Variants in CACNA1A observed in about 807,000 individuals in gnomAD.
CACNA1A encodes the protein voltage-dependent P/Q-type calcium channel subunit alpha-1A.
Under a neutral mutation model 262.4 loss-of-function variants are expected in CACNA1A, and 57 were observed. The observed-to-expected ratio is 0.22, with a 90% CI of 0.18 to 0.27. The LOEUF (loss-of-function observed/expected upper bound fraction) is 0.27. Ranked by LOEUF, CACNA1A falls within the 10% of genes least tolerant of loss-of-function variation. The pLI is 1.00. For missense variants in CACNA1A, 2,526 were observed against 3,562.8 expected, an observed-to-expected ratio of 0.71 and a Z score of 7.41; for synonymous variants, 1,431 against 1,419.3, an observed-to-expected ratio of 1.01 and a Z score of -0.18.
Position 13,290,095 on chromosome 19 carries a change from AT to A in CACNA1A, c.3090-3130del, listed in dbSNP as rs34860973. 6.9e-3 allele frequency among the ~76,000 whole-genome samples: 970 copies of A among 140,212 alleles called. 4 individuals are homozygous for A. The highest frequency in any genetic ancestry group is 7.5e-3 in the Middle Eastern group (2 of 266). The allele number at this position is 140,212 out of a possible 152,430, so 92.0% of individuals were successfully genotyped here. A position where few individuals can be genotyped will look rare whatever the true frequency, so the allele number is the denominator to read the frequency against. The stretch of plus-strand genomic sequence containing the variant: ...AGGCCTGTGCCACCACACCCGGCTA[AT>A]TTTTTTTTTTTTTTCTGTAGTTTTA... On this transcript the variant is annotated intron_variant, in intron 19 of 46. Coordinates refer to ENST00000360228, the MANE Select transcript of CACNA1A (RefSeq NM_001127222.2).
chr19:13,280,940 CAAA>C (rs59445149), intron 22 of CACNA1A, among the ~76,000 whole-genome samples: 1 of 82,372 alleles, frequency 1.2e-5, no homozygotes, highest in Admixed American at 1.4e-4. Flanking sequence ...GACTCCATCT[CAAA>C]AAAAAAAAAA....
rs931742312 is a variant in CACNA1A, at chr19:13,506,406, G to C, written c.-182C>G. On this transcript the variant is annotated 5_prime_UTR_variant, in exon 1 of 47. Transcript: ENST00000360228. ...CGGCGGCGGCTCGGCGCCTCGGGTC[G>C]GGGGCTCAGAAGGCGGCTGCCCGGG... 2.3e-6 allele frequency: 1 copy of C among 434,690 alleles called. No individual in the cohort carries two copies. Among genetic ancestry groups the C allele is most frequent in the Non-Finnish European group, 3.8e-6 (1 of 260,968 alleles). 26.9% of individuals were successfully genotyped at this position (434,690 alleles called of 1,614,324 possible).
intron 6 of CACNA1A, among the ~76,000 whole-genome samples, chr19:13,347,278 G>A (rs916740239): frequency 1.3e-5 from 2 of 151,486 alleles, no homozygotes; most frequent in Non-Finnish European, 2.9e-5. Flanking sequence ...GCCTAGGCTG[G>A]TCTTAAACTC....
At chr19:13,445,328 G>A (rs1050733478) in intron 3 of CACNA1A, among the ~76,000 whole-genome samples, 2 of 152,128 alleles carry the variant, frequency 1.3e-5, no homozygotes, top group African/African-American at 4.8e-5. Flanking sequence ...TGTCAGAGCT[G>A]GCAAAGACCC....
intron 4 of CACNA1A, among the ~76,000 whole-genome samples, chr19:13,368,657 T>C (rs539979058): frequency 5.1e-4 from 77 of 152,256 alleles, no homozygotes; most frequent in South Asian, 1.7e-3. Context: ...GAACTTCCCA[T>C]GGCTCTTGAT....
rs775769249 is a variant in CACNA1A at position 13,259,328 on chromosome 19, TTTTTTTTTTTTTTTG to T, written c.4388+221_4388+235del. 2,590 of 133,754 alleles carry T rather than the reference TTTTTTTTTTTTTTTG, an allele frequency of 0.019. 230 individuals are homozygous for T. Among genetic ancestry groups the T allele is most frequent in the Non-Finnish European group, 0.026 (1,681 of 64,468 alleles). 8.3% of individuals were successfully genotyped at this position (133,754 alleles called of 1,614,324 possible). ...GCCTGGCAGCTTTTTTTTTTTTTTT[TTTTTTTTTTTTTTTG>T]GGATTTTTAGTAGAAATGGAGTTTT... On this transcript the variant is annotated intron_variant, in intron 27 of 46. Transcript: ENST00000360228.
chr19:13,333,726 C>G (rs574392884), intron 8 of CACNA1A: 1 of 152,256 alleles, frequency 6.6e-6, no homozygotes, highest in African/African-American at 2.4e-5. Context: ...TGAGCCACCG[C>G]GCCCGGCCAA....
intron 19 of CACNA1A, among the ~76,000 whole-genome samples, chr19:13,290,867 AG>A (rs2057520884): frequency 6.6e-6 from 1 of 152,196 alleles, no homozygotes; most frequent in Non-Finnish European, 1.5e-5. Context: ...GAAGCCATGG[AG>A]AAACTCGTGG....
chr19:13,247,744 A>AT (rs1432468793), intron 30 of CACNA1A, among the ~76,000 whole-genome samples: 10 of 151,930 alleles, frequency 6.6e-5, no homozygotes, highest in African/African-American at 1.9e-4. Context: ...AAATAAATAA[A>AT]AAGGAATTCA....
At chr19:13,499,952 G>T (rs755368962) in intron 1 of CACNA1A, among the ~76,000 whole-genome samples, 8 of 151,850 alleles carry the variant, frequency 5.3e-5, no homozygotes, top group South Asian at 2.1e-4. Flanking sequence ...GCTTGCTACT[G>T]GGGGGGAAAC....
chr19:13,318,890 C>CT (rs751530649), intron 10 of CACNA1A, among the ~76,000 whole-genome samples: 2,090 of 114,646 alleles, frequency 0.018, 174 homozygotes, highest in East Asian at 0.068. Context: ...TAAAATACAT[C>CT]TTTTTTTTTT....
chr19:13,208,910 T>TGTC lies in CACNA1A; in HGVS notation c.6623_6625dup (p.Arg2208dup), dbSNP rs2054689375. The TGTC allele has an allele frequency of 1.3e-6, 2 of 1,536,690 alleles. No homozygotes were observed. The highest frequency in any genetic ancestry group is 2.7e-5 in the African/African-American group (2 of 72,970). On this transcript the variant is annotated inframe_insertion, in exon 46 of 47. Coordinates refer to ENST00000360228, the MANE Select transcript of CACNA1A (RefSeq NM_001127222.2). Reference sequence around the variant, plus strand: ...GTGGTGGTGGTGGTGGTGGTGGTGCTGTCGATGCTTCCGATCCTTGGGCCG... The same window carrying TGTC: ...GTGGTGGTGGTGGTGGTGGTGGTGCTGTCGTCGATGCTTCCGATCCTTGGGCCG...
chr19:13,435,837 T>G lies in CACNA1A; in HGVS notation c.539+17039A>C, dbSNP rs575800786. Among the ~76,000 whole-genome samples the G allele has an allele frequency of 4.4e-4, 67 of 152,244 alleles. 1 individual carries two copies. Among genetic ancestry groups the G allele is most frequent in the African/African-American group, 1.6e-3 (66 of 41,546 alleles). The stretch of plus-strand genomic sequence containing the variant: ...GGCTTTACTTGTTTTTGTTTTGTTT[T>G]GTTTTAAGATGGAGTCTCACTCTGT... On this transcript the variant is annotated intron_variant, in intron 3 of 46. Transcript: ENST00000360228.
At chr19:13,414,288 C>T (rs993108703) in intron 3 of CACNA1A, among the ~76,000 whole-genome samples, 1 of 152,014 alleles carries the variant, frequency 6.6e-6, no homozygotes, top group African/African-American at 2.4e-5. Flanking sequence ...GTCCCAGCTA[C>T]TCAGAAGGCT....
intron 31 of CACNA1A, among the ~76,000 whole-genome samples, chr19:13,237,919 G>A (rs574228696): frequency 1.9e-4 from 29 of 152,312 alleles, no homozygotes; most frequent in Admixed American, 1.7e-3. Flanking sequence ...GGCATGCGAA[G>A]GCAGGCGGAC....
chr19:13,480,958 A>C (rs1862260), intron 1 of CACNA1A, among the ~76,000 whole-genome samples: 79,234 of 151,888 alleles, frequency 0.52, 20,841 homozygotes, highest in East Asian at 0.64. Context: ...GAGACCGTGG[A>C]CTCCGAATCT....
intron 1 of CACNA1A, among the ~76,000 whole-genome samples, chr19:13,473,961 T>C (rs547570943): frequency 2.0e-5 from 3 of 152,192 alleles, no homozygotes; most frequent in Admixed American, 6.5e-5. Flanking sequence ...CCCACTGCAC[T>C]TCCCCAAATA....
intron 6 of CACNA1A, among the ~76,000 whole-genome samples, chr19:13,357,242 C>T (rs371258915): frequency 4.6e-5 from 7 of 152,116 alleles, no homozygotes; most frequent in African/African-American, 1.4e-4. Context: ...GTGAAAAATC[C>T]GACCTTAGTG....
intron 6 of CACNA1A, among the ~76,000 whole-genome samples, chr19:13,352,559 C>T (rs143527718): frequency 3.4e-4 from 52 of 152,168 alleles, no homozygotes; most frequent in Middle Eastern, 6.8e-3. Context: ...CATATTTGTA[C>T]CTTTGAGATC....
Sources: gnomAD v4.1 joint callset for allele counts (sites outside exome capture counted in the v4.1 genomes callset) on GRCh38, gnomAD v4.1.1 for gene constraint, MANE v1.5 for transcripts, NCBI Gene and HGNC (gene_info 2026-07-23, HGNC 2026-07-21) for gene names.